The following MUC5AC variants were observed in gnomAD, a reference collection of about 807,000 sequenced individuals.
MUC5AC encodes the protein mucin 5AC, oligomeric mucus/gel-forming, also known as mucin-5AC.
Under a neutral mutation model 169.7 loss-of-function variants are expected in MUC5AC, and 158 were observed. That is an observed-to-expected ratio of 0.93 (90% confidence interval 0.82 to 1.06). MUC5AC has a LOEUF of 1.06. MUC5AC is among the 50% of genes least tolerant of loss of function. The pLI, the probability that MUC5AC is intolerant of heterozygous loss-of-function variation, is 0.00. For missense variants in MUC5AC, 4,359 were observed against 3,089.9 expected (o/e 1.41, Z -9.74); for synonymous variants, 1,975 against 1,237.0 (o/e 1.60, Z -12.52).
Position 1,188,972 on chromosome 11 carries a change from C to A in MUC5AC, c.10827C>A (p.Leu3609=). Residue 3609 remains leucine (L), a synonymous_variant, in exon 31 of 49, where the codon CTC becomes CTA. Coordinates refer to ENST00000621226, the MANE Select transcript of MUC5AC (RefSeq NM_001304359.2). ...AGCAGGGACCCTTCAAGATGTGCCTCAACTACGAGGTGCGTGTGCTTTGCT... is the reference window on the plus strand; with the variant it reads ...AGCAGGGACCCTTCAAGATGTGCCTAAACTACGAGGTGCGTGTGCTTTGCT... ...QDQQGPFKMC[L]NYEVRVLCCE... is the part of the protein sequence containing the mutation. The A allele has an allele frequency of 1.4e-6, 1 of 697,656 alleles. No individual in the cohort carries two copies. 43.2% of individuals were successfully genotyped at this position (697,656 alleles called of 1,614,324 possible). A position where few individuals can be genotyped will look rare whatever the true frequency, so the allele number is the denominator to read the frequency against.
At position 1,195,063 on chromosome 11, in the gene MUC5AC, T is replaced by C. The variant is rs545924124; in HGVS notation, c.15242T>C (p.Val5081Ala). ...GAGTGCCGCACGCCTAGGGGGACGGTGGTCGCTTCCTGCTCCGAGATGTCC... is the reference window on the plus strand; with the variant it reads ...GAGTGCCGCACGCCTAGGGGGACGGCGGTCGCTTCCTGCTCCGAGATGTCC... The part of the protein sequence containing the change: ...KDECRTPRGT[V>A]VASCSEMSGL... The change falls in exon 36 of 49, where the codon GTG becomes GCG. Residue 5081 changes from valine (V) to alanine (A), a missense_variant. By Grantham distance (64) the Val-to-Ala change is moderately conservative. Coordinates refer to ENST00000621226, the MANE Select transcript of MUC5AC (RefSeq NM_001304359.2). 9.3e-6 allele frequency: 7 copies of C among 754,152 alleles called. No homozygotes were observed. In the African/African-American group the frequency reaches 1.2e-4, roughly 13 times the overall value. The allele number at this position is 754,152 out of a possible 1,614,324, so 46.7% of individuals were successfully genotyped here. A position where few individuals can be genotyped will look rare whatever the true frequency, so the allele number is the denominator to read the frequency against.
intron 16 of MUC5AC, 92 bp from the exon 17 acceptor site, chr11:1,174,404 C>T: frequency 1.3e-6 from 1 of 746,140 alleles, no homozygotes; most frequent in Non-Finnish European, 2.2e-6. Flanking sequence ...GATGGGAGGA[C>T]CCTGGCTGCT....
At chr11:1,174,710 G>A (rs993479635) in intron 17 of MUC5AC, 88 bp downstream of exon 17, 2 of 581,316 alleles carry the variant, frequency 3.4e-6, no homozygotes, top group Non-Finnish European at 5.9e-6. Context: ...TGCTCTAAGG[G>A]CCCCCGTCCT....
chr11:1,164,005 G>T lies in MUC5AC; in HGVS notation c.789+14G>T, dbSNP rs1030915557. On this transcript the variant is annotated intron_variant, in intron 7 of 48. Transcript: ENST00000621226. ...TCCACTGGCTTTGTAAGCCTTGGAG[G>T]GAACAGAGGGCCCAGCAGGTTGAGC... 6.2e-7 allele frequency: 1 copy of T among 1,609,006 alleles called. No individual in the cohort carries two copies. The highest frequency in any genetic ancestry group is 8.5e-7 in the Non-Finnish European group (1 of 1,177,892).
In MUC5AC at chr11:1,197,931, C is replaced by T. The variant is rs777722940; in HGVS notation, c.16062C>T (p.Pro5354=). 1.1e-5 allele frequency: 8 copies of T among 734,386 alleles called. No individual in the cohort carries two copies. The highest frequency in any genetic ancestry group is 2.0e-5 in the Non-Finnish European group (8 of 404,438). 45.5% of individuals were successfully genotyped at this position (734,386 alleles called of 1,614,324 possible). A position where few individuals can be genotyped will look rare whatever the true frequency, so the allele number is the denominator to read the frequency against. The change falls in exon 42 of 49, where the codon CCC becomes CCT. Residue 5354 remains proline, a synonymous_variant. Transcript: ENST00000621226. ...GCAACACCAGCCGCTGCCCCGCGCC[C>T]GTGGGCTGTCCTGAGGGCGCCCGCG... ...CACNTSRCPA[P]VGCPEGARAI...
chr11:1,163,831 C>T (rs1860218441), intron 6 of MUC5AC, 51 bp from the exon 7 acceptor site: 3 of 1,442,944 alleles, frequency 2.1e-6, no homozygotes, highest in African/African-American at 2.8e-5. Context: ...GGGTGCTGGG[C>T]TGACGGGTAC....
Position 1,162,100 on chromosome 11 carries a change from G to T in MUC5AC, c.405G>T (p.Arg135Ser). The T allele has an allele frequency of 6.2e-7, 1 of 1,612,672 alleles. No individual in the cohort carries two copies. Among genetic ancestry groups the T allele is most frequent in the Non-Finnish European group, 8.5e-7 (1 of 1,179,834 alleles). The change falls in exon 4 of 49, where the codon AGG (arginine) becomes AGT (serine). Residue 135 changes from arginine (R) to serine (S), a missense_variant. By Grantham distance (110) the Arg-to-Ser change is moderately radical. Transcript: ENST00000621226. The part of the protein sequence containing the change: ...SQESAAPTLS[R>S]VLMKVDGVVI... Reference sequence around the variant, plus strand: ...AGTCAGCGGCCCCCACGCTGAGCAGGGTCCTCATGAAGGTGGATGGCGTGG... The same window carrying T: ...AGTCAGCGGCCCCCACGCTGAGCAGTGTCCTCATGAAGGTGGATGGCGTGG...
intron 28 of MUC5AC, 118 bp from the exon 29 acceptor site, chr11:1,181,021 C>T: frequency 5.0e-6 from 2 of 398,260 alleles, no homozygotes; most frequent in South Asian, 1.3e-4. Flanking sequence ...CAATGCAGTT[C>T]CCAGGGAACT....
rs1272983722 is a variant in MUC5AC, at chr11:1,187,022, T to G, written c.8877T>G (p.Val2959=). 4.0e-6 allele frequency: 3 copies of G among 742,116 alleles called. No individual in the cohort carries two copies. The highest frequency in any genetic ancestry group is 7.4e-6 in the Non-Finnish European group (3 of 407,994). The allele number at this position is 742,116 out of a possible 1,614,324, so 46.0% of individuals were successfully genotyped here. Residue 2959 remains valine (V), a synonymous_variant, in exon 31 of 49, where the codon GTT becomes GTG. Coordinates refer to ENST00000621226, the MANE Select transcript of MUC5AC (RefSeq NM_001304359.2). ...SPVPTTSTIS[V]PTTSTTSAST... ...TTCCTACCACCAGCACAATCTCTGT[T>G]CCTACCACCAGCACAACTTCTGCTT...
Position 1,197,639 on chromosome 11 carries a change from G to A in MUC5AC, c.16033G>A (p.Ala5345Thr), listed in dbSNP as rs1284175140. The A allele has an allele frequency of 9.9e-6, 7 of 707,096 alleles. No homozygotes were observed. The highest frequency in any genetic ancestry group is 3.5e-5 in the African/African-American group (2 of 57,796). 43.8% of individuals were successfully genotyped at this position (707,096 alleles called of 1,614,324 possible). The stretch of plus-strand genomic sequence containing the variant: ...CCAGTGCTGCCCCCAGTACAGCTGC[G>A]GTAAGCCCTTTGCTGGGTGAGGGGC... ...AGQCCPQYSC[A>T]CNTSRCPAPV... The change falls in exon 41 of 49, where the codon GCC (alanine) becomes ACC (threonine). Residue 5345 changes from alanine to threonine, a missense_variant and splice_region_variant. Ala to Thr is a moderately conservative substitution (Grantham distance 58). Coordinates refer to ENST00000621226, the MANE Select transcript of MUC5AC (RefSeq NM_001304359.2).
rs1305932771 is a variant in MUC5AC, at chr11:1,195,166, C to G, written c.15345C>G (p.Thr5115=). 2 of 762,458 alleles carry G rather than the reference C, an allele frequency of 2.6e-6. No individual in the cohort carries two copies. Among genetic ancestry groups the G allele is most frequent in the Non-Finnish European group, 4.8e-6 (2 of 416,420 alleles). The allele number at this position is 762,458 out of a possible 1,614,324, so 47.2% of individuals were successfully genotyped here. A position where few individuals can be genotyped will look rare whatever the true frequency, so the allele number is the denominator to read the frequency against. The change falls in exon 36 of 49, where the codon ACC becomes ACG. Residue 5115 remains threonine, a synonymous_variant. Transcript: ENST00000621226. ...PHPTPTTVGP[T]TVGSTTVGPT... ...CGACGCCCACCACGGTCGGGCCCAC[C>G]ACAGTTGGGTCTACCACGGTCGGGC... is the stretch of plus-strand genomic sequence containing the variant.
chr11:1,197,974 G>C lies in MUC5AC; in HGVS notation c.16105G>C (p.Glu5369Gln), dbSNP rs1861327065. The stretch of plus-strand genomic sequence containing the variant: ...CGCCCGCGCGATCCCGACCTACCAG[G>C]AGGGGGCCTGCTGCCCAGTCCAAAA... ...EGARAIPTYQEGACCPVQNCS... is the reference protein window; with the variant it reads ...EGARAIPTYQQGACCPVQNCS... Residue 5369 changes from glutamate to glutamine, a missense_variant, in exon 42 of 49, where the codon GAG (glutamate) becomes CAG (glutamine). By Grantham distance (29) the Glu-to-Gln change is conservative. Coordinates refer to ENST00000621226, the MANE Select transcript of MUC5AC (RefSeq NM_001304359.2). 1.4e-6 allele frequency: 1 copy of C among 729,410 alleles called. No individual in the cohort carries two copies. Among genetic ancestry groups the C allele is most frequent in the Non-Finnish European group, 2.5e-6 (1 of 401,024 alleles). 45.2% of individuals were successfully genotyped at this position (729,410 alleles called of 1,614,324 possible).
chr11:1,199,746 C>T lies in MUC5AC; in HGVS notation c.16567C>T (p.Pro5523Ser), dbSNP rs1306395248. ...DGCCRFCPPP[P>S]PPYQNQSTCA... is the part of the protein sequence containing the mutation. ...CTGCTGCCGCTTCTGCCCGCCGCCCCCGCCCCCGTACCAGAACCGTGAGTA... is the reference window on the plus strand; with the variant it reads ...CTGCTGCCGCTTCTGCCCGCCGCCCTCGCCCCCGTACCAGAACCGTGAGTA... Residue 5523 changes from proline to serine, a missense_variant, in exon 47 of 49, where the codon CCG becomes TCG. Pro to Ser is a moderately conservative substitution (Grantham distance 74). Coordinates refer to ENST00000621226, the MANE Select transcript of MUC5AC (RefSeq NM_001304359.2). 1 of 712,266 alleles carries T rather than the reference C, an allele frequency of 1.4e-6. No homozygotes were observed. Among genetic ancestry groups the T allele is most frequent in the Non-Finnish European group, 2.6e-6 (1 of 390,726 alleles). 44.1% of individuals were successfully genotyped at this position (712,266 alleles called of 1,614,324 possible).
chr11:1,186,295 C>T lies in MUC5AC; in HGVS notation c.8150C>T (p.Thr2717Ile). ...ACCTCTGCTCCCACAACAAGCACAACCTCTGCCCCTACAACCAGCACAATC... is the reference window on the plus strand; with the variant it reads ...ACCTCTGCTCCCACAACAAGCACAATCTCTGCCCCTACAACCAGCACAATC... ...STTSAPTTST[T>I]SAPTTSTISA... is the part of the protein sequence containing the mutation. The change falls in exon 31 of 49, where the codon ACC (threonine) becomes ATC (isoleucine). Residue 2717 changes from threonine (T) to isoleucine (I), a missense_variant. Physicochemically the swap from Thr to Ile is moderately conservative, Grantham distance 89. Coordinates refer to ENST00000621226, the MANE Select transcript of MUC5AC (RefSeq NM_001304359.2). 1.4e-6 allele frequency: 1 copy of T among 730,782 alleles called. No individual in the cohort carries two copies. 45.3% of individuals were successfully genotyped at this position (730,782 alleles called of 1,614,324 possible).
At chr11:1,180,308 G>A in intron 27 of MUC5AC, 46 bp from the exon 28 acceptor site, 1 of 398,662 alleles carries the variant, frequency 2.5e-6, no homozygotes, top group Non-Finnish European at 4.4e-6. Context: ...AGAGCGAGGT[G>A]GACGACACTC....
intron 36 of MUC5AC, among the ~76,000 whole-genome samples, chr11:1,195,541 G>A (rs535777301): frequency 2.6e-5 from 4 of 152,160 alleles, no homozygotes; most frequent in South Asian, 2.1e-4. Context: ...CGGCTGGGCC[G>A]TCTCTGAGGC....
In MUC5AC at chr11:1,192,393, T is replaced by C. The variant is rs1488178754; in HGVS notation, c.14248T>C (p.Ser4750Pro). 1 of 765,110 alleles carries C rather than the reference T, an allele frequency of 1.3e-6. No homozygotes were observed. The highest frequency in any genetic ancestry group is 2.4e-6 in the Non-Finnish European group (1 of 417,896). 47.4% of individuals were successfully genotyped at this position (765,110 alleles called of 1,614,324 possible). A position where few individuals can be genotyped will look rare whatever the true frequency, so the allele number is the denominator to read the frequency against. ...GTSPTNALYP[S>P]LSTSMVSASV... The stretch of plus-strand genomic sequence containing the variant: ...TTCTCCTACCAATGCTCTGTATCCT[T>C]CCCTGTCTACTTCCATGGTATCCGC... Residue 4750 changes from serine to proline, a missense_variant, in exon 31 of 49, where the codon TCC (serine) becomes CCC (proline). Coordinates refer to ENST00000621226, the MANE Select transcript of MUC5AC (RefSeq NM_001304359.2).
intron 11 of MUC5AC, 81 bp from the exon 12 acceptor site, chr11:1,167,796 C>A: frequency 3.3e-6 from 4 of 1,209,612 alleles, no homozygotes; most frequent in African/African-American, 1.5e-5. Flanking sequence ...GGGAGAGGAG[C>A]ACAGCCGGGT....
chr11:1,193,669 G>A lies in MUC5AC; in HGVS notation c.14755+10G>A, dbSNP rs984409285. The A allele has an allele frequency of 6.5e-6, 5 of 763,624 alleles. No individual in the cohort carries two copies. The African/African-American group carries it at 6.8e-5, about 10-fold the overall frequency. The allele number at this position is 763,624 out of a possible 1,614,324, so 47.3% of individuals were successfully genotyped here. A position where few individuals can be genotyped will look rare whatever the true frequency, so the allele number is the denominator to read the frequency against. ...CACTACCAGTGCCAGTGTGAGTGGAGCGCCGAGCGGGACCCAGGGCAGCCG... is the reference window on the plus strand; with the variant it reads ...CACTACCAGTGCCAGTGTGAGTGGAACGCCGAGCGGGACCCAGGGCAGCCG... On this transcript the variant is annotated intron_variant, in intron 33 of 48. Coordinates refer to ENST00000621226, the MANE Select transcript of MUC5AC (RefSeq NM_001304359.2).
Sources: gnomAD v4.1 joint callset for allele counts (sites outside exome capture counted in the v4.1 genomes callset) on GRCh38, gnomAD v4.1.1 for gene constraint, MANE v1.5 for transcripts, NCBI Gene and HGNC (gene_info 2026-07-23, HGNC 2026-07-21) for gene names.